SYT17: variants seen among roughly 807,000 people sequenced by gnomAD.
SYT17 encodes the protein synaptotagmin-17.
SYT17 carries 22 observed loss-of-function variants against 46.7 expected under a neutral mutation model. That is an observed-to-expected ratio of 0.47 (90% CI 0.34 to 0.67). The LOEUF is 0.67. Ranked by LOEUF, SYT17 falls within the 30% of genes least tolerant of loss-of-function variation. SYT17 has a pLI of 0.01. For synonymous variants in SYT17, 251 were observed against 248.4 expected, an observed-to-expected ratio of 1.01 and a Z score of -0.10; for missense variants, 519 against 612.8, an observed-to-expected ratio of 0.85 and a Z score of 1.62.
At position 19,266,946 on chromosome 16, in the gene SYT17, C is replaced by A; in HGVS notation, c.1295C>A (p.Ser432Ter). Reference protein sequence around the residue: ...IGRIVIGQYSSGPSETNHWRR... With the variant: ...IGRIVIGQYS ...AGGATCGTCATTGGCCAGTACTCTT[C>A]AGGCCCCTCTGAGACCAACCACTGG... Residue 432 changes from serine (S) to a stop codon, truncating the protein, a stop_gained, in exon 8 of 8, where the codon TCA becomes TAA. Coordinates refer to ENST00000355377, the MANE Select transcript of SYT17 (RefSeq NM_016524.4). LOFTEE classifies it high-confidence loss of function. 6.2e-7 allele frequency: 1 copy of A among 1,613,830 alleles called. No individual in the cohort carries two copies.
At chr16:19,250,615 C>T (rs1032363802) in intron 7 of SYT17, among the ~76,000 whole-genome samples, 7 of 152,156 alleles carry the variant, frequency 4.6e-5, no homozygotes, top group Non-Finnish European at 8.8e-5. Flanking sequence ...CTCAAGTGAT[C>T]CTCTTGCCTC....
intron 7 of SYT17, among the ~76,000 whole-genome samples, chr16:19,239,407 G>A (rs1966925540): frequency 6.6e-6 from 1 of 152,210 alleles, no homozygotes; most frequent in South Asian, 2.1e-4. Context: ...ACGTGCTGTA[G>A]TGGAAATAGC....
At chr16:19,181,702 G>GAAA (rs11359520) in intron 4 of SYT17, among the ~76,000 whole-genome samples, 1 of 144,280 alleles carries the variant, frequency 6.9e-6, no homozygotes, top group Non-Finnish European at 1.5e-5. Flanking sequence ...GGACAGTGAG[G>GAAA]AAAAAAAAAA....
chr16:19,200,325 G>A (rs1965412318), intron 5 of SYT17, among the ~76,000 whole-genome samples: 1 of 152,144 alleles, frequency 6.6e-6, no homozygotes, highest in Admixed American at 6.5e-5. Context: ...AAAGAAATAG[G>A]TGAAATTTAC....
chr16:19,209,042 T>G (rs1398535411), intron 5 of SYT17, among the ~76,000 whole-genome samples: 1 of 151,950 alleles, frequency 6.6e-6, no homozygotes, highest in African/African-American at 2.4e-5. Flanking sequence ...TAATTTTTTG[T>G]ATTTTTAGTA....
At chr16:19,224,972 C>T in intron 7 of SYT17, 134 bp downstream of exon 7, 1 of 963,768 alleles carries the variant, frequency 1.0e-6, no homozygotes, top group African/African-American at 1.7e-5. Context: ...GGTTTGAACC[C>T]ACTTAACATC....
chr16:19,261,029 G>C (rs1001714809), intron 7 of SYT17, among the ~76,000 whole-genome samples: 39 of 151,934 alleles, frequency 2.6e-4, no homozygotes, highest in Admixed American at 1.1e-3. Flanking sequence ...ATTGTAGAAA[G>C]AGAGTCTTAC....
At chr16:19,266,725 G>T (rs1969384534) in intron 7 of SYT17, among the ~76,000 whole-genome samples, 155 bp from the exon 8 acceptor site, 1 of 152,090 alleles carries the variant, frequency 6.6e-6, no homozygotes, top group Non-Finnish European at 1.5e-5. Flanking sequence ...TTCTCACCAA[G>T]AAAAGGAAAA....
intron 5 of SYT17, among the ~76,000 whole-genome samples, chr16:19,211,662 C>T (rs1180923521): frequency 6.6e-5 from 10 of 151,674 alleles, no homozygotes; most frequent in Non-Finnish European, 1.3e-4. Flanking sequence ...GCTCTGTCGC[C>T]GAGGCTGGAG....
chr16:19,189,002 T>TC (rs1198655001), intron 5 of SYT17, among the ~76,000 whole-genome samples: 3 of 152,138 alleles, frequency 2.0e-5, no homozygotes, highest in Non-Finnish European at 4.4e-5. Context: ...TTCTCCTGGC[T>TC]CAGCCTCCCG....
intron 5 of SYT17, among the ~76,000 whole-genome samples, chr16:19,185,325 G>T (rs981108188): frequency 3.3e-5 from 5 of 152,208 alleles, no homozygotes; most frequent in African/African-American, 1.2e-4. Flanking sequence ...AGTGGCTTAC[G>T]CCTGTAATCC....
intron 5 of SYT17, among the ~76,000 whole-genome samples, chr16:19,199,168 G>A (rs554430315): frequency 5.3e-5 from 8 of 152,292 alleles, no homozygotes; most frequent in East Asian, 3.9e-4. Flanking sequence ...TCATCGTAGT[G>A]TAATAAGTAT....
chr16:19,184,636 T>A (rs1029051480), intron 5 of SYT17, among the ~76,000 whole-genome samples: 18 of 152,012 alleles, frequency 1.2e-4, no homozygotes, highest in African/African-American at 4.1e-4. Context: ...CCTCAAGATT[T>A]CACTACTTTT....
At chr16:19,211,294 G>C (rs1368618810) in intron 5 of SYT17, 4 of 645,226 alleles carry the variant, frequency 6.2e-6, no homozygotes, top group East Asian at 2.8e-5. Flanking sequence ...GATAGGACAG[G>C]GGGTGGAACA....
At chr16:19,221,277 A>C (rs541288105) in intron 5 of SYT17, among the ~76,000 whole-genome samples, 1 of 152,064 alleles carries the variant, frequency 6.6e-6, no homozygotes, top group South Asian at 2.1e-4. Context: ...TGGATTTTAC[A>C]AGGTGGTGCA....
intron 5 of SYT17, among the ~76,000 whole-genome samples, chr16:19,193,884 C>A (rs543332882): frequency 6.6e-6 from 1 of 152,292 alleles, no homozygotes; most frequent in Admixed American, 6.5e-5. Context: ...CTTGTGGGCA[C>A]AAGTAGGAAA....
At chr16:19,231,523 CAAAAAAAAAA>C (rs143448107) in intron 7 of SYT17, among the ~76,000 whole-genome samples, 10 of 45,860 alleles carry the variant, frequency 2.2e-4, no homozygotes, top group South Asian at 1.4e-3. Context: ...AACTCCATCA[CAAAAAAAAAA>C]AAAAAAAAAA....
chr16:19,224,530 C>T (rs747367334), intron 6 of SYT17, among the ~76,000 whole-genome samples, 153 bp from the exon 7 acceptor site: 16 of 151,868 alleles, frequency 1.1e-4, no homozygotes, highest in South Asian at 6.2e-4. Context: ...GATGAATGGA[C>T]GGACTATGAG....
At chr16:19,232,648 T>C (rs2142914393) in intron 7 of SYT17, among the ~76,000 whole-genome samples, 1 of 152,040 alleles carries the variant, frequency 6.6e-6, no homozygotes, top group South Asian at 2.1e-4. Context: ...CTGGGCAGCA[T>C]GGCAAAACCC....
Sources: allele counts gnomAD v4.1 joint callset (sites outside exome capture counted in the v4.1 genomes callset), GRCh38; gene constraint gnomAD v4.1.1; transcripts MANE v1.5; gene names NCBI Gene and HGNC (gene_info 2026-07-23, HGNC 2026-07-21).